The following NEK4 variants were observed in gnomAD, a reference collection of about 807,000 sequenced individuals.
The protein encoded by NEK4 is serine/threonine-protein kinase Nek4.
NEK4 carries 86 observed loss-of-function variants against 98.4 expected under a neutral mutation model. That is an observed-to-expected ratio of 0.87 (90% confidence interval 0.73 to 1.05). NEK4 has a LOEUF of 1.05. NEK4 is among the 50% of genes least tolerant of loss of function. The pLI is 0.00. For missense variants in NEK4, 898 were observed against 950.3 expected (o/e 0.94, Z 0.72); for synonymous variants, 328 against 342.2 (o/e 0.96, Z 0.46).
At chr3:52,729,244 C>T (rs1224480642) in intron 15 of NEK4, among the ~76,000 whole-genome samples, 1 of 152,080 alleles carries the variant, frequency 6.6e-6, no homozygotes, top group Admixed American at 6.6e-5. Flanking sequence ...GATGTCACCC[C>T]CAGAGGCCCA....
intron 6 of NEK4, among the ~76,000 whole-genome samples, chr3:52,756,285 G>C (rs1259428264): frequency 2.0e-5 from 3 of 152,102 alleles, no homozygotes; most frequent in South Asian, 4.1e-4. Context: ...ATCCCAAATA[G>C]CCAAAACAAT....
rs569984988 is a variant in NEK4 at position 52,729,362 on chromosome 3, A to G, written c.2433+8224T>C. Among the ~76,000 whole-genome samples, 11 of 152,070 alleles carry G rather than the reference A, an allele frequency of 7.2e-5. 1 individual carries two copies. Among genetic ancestry groups the G allele is most frequent in the East Asian group, 3.9e-4 (2 of 5,164 alleles). On this transcript the variant is annotated intron_variant, in intron 15 of 15. Transcript: ENST00000233027. ...GAAATATTGGGGGTGGGTTCCCCCA[A>G]TACTGCACTCCAGCCTGGGGGATGG...
At position 52,711,549 on chromosome 3, in the gene NEK4, T is replaced by C; in HGVS notation, c.*228A>G. On this transcript the variant is annotated 3_prime_UTR_variant, in exon 16 of 16. Coordinates refer to ENST00000233027, the MANE Select transcript of NEK4 (RefSeq NM_003157.6). ...ACAGTAATCAAACAAACAACAGATT[T>C]GTCCTCACAAAGAGAATATGAAAGC... is the stretch of plus-strand genomic sequence containing the variant. 2.7e-6 allele frequency: 1 copy of C among 373,008 alleles called. No homozygotes were observed. The allele number at this position is 373,008 out of a possible 1,614,324, so 23.1% of individuals were successfully genotyped here. A position where few individuals can be genotyped will look rare whatever the true frequency, so the allele number is the denominator to read the frequency against.
intron 13 of NEK4, 103 bp downstream of exon 13, chr3:52,741,308 A>G: frequency 1.6e-6 from 1 of 619,410 alleles, no homozygotes; most frequent in Non-Finnish European, 2.9e-6. Flanking sequence ...TTATAATTTT[A>G]TCAGTGGGAA....
At chr3:52,751,017 TA>T (rs2097404015) in intron 7 of NEK4, among the ~76,000 whole-genome samples, 1 of 152,108 alleles carries the variant, frequency 6.6e-6, no homozygotes, top group Non-Finnish European at 1.5e-5. Flanking sequence ...TCAGGTTAAG[TA>T]AAAGAAGGCA....
intron 15 of NEK4, among the ~76,000 whole-genome samples, chr3:52,715,372 G>A (rs762534147): frequency 3.9e-5 from 6 of 152,116 alleles, no homozygotes; most frequent in African/African-American, 1.2e-4. Context: ...TGCCCCCTGC[G>A]GATCTCCTCT....
chr3:52,720,214 GC>G (rs2097358835), intron 15 of NEK4, among the ~76,000 whole-genome samples: 1 of 152,042 alleles, frequency 6.6e-6, no homozygotes, highest in African/African-American at 2.4e-5. Flanking sequence ...ACTACAGACA[GC>G]TAGGACTACA....
intron 13 of NEK4, 23 bp from the exon 14 acceptor site, chr3:52,739,657 T>C (rs1482422804): frequency 1.3e-6 from 2 of 1,578,384 alleles, no homozygotes; most frequent in Non-Finnish European, 1.7e-6. Context: ...AATATCCCTT[T>C]GTTATTTAAT....
At chr3:52,738,489 C>T (rs1441584529) in intron 14 of NEK4, among the ~76,000 whole-genome samples, 9 of 149,226 alleles carry the variant, frequency 6.0e-5, no homozygotes, top group South Asian at 2.1e-4. Context: ...CTTGCTCTGT[C>T]GCTCAGGCTG....
chr3:52,728,179 C>T (rs1179293067), intron 15 of NEK4, among the ~76,000 whole-genome samples: 1 of 152,188 alleles, frequency 6.6e-6, no homozygotes, highest in African/African-American at 2.4e-5. Flanking sequence ...TCAAGACCAG[C>T]CTAGGGAACA....
rs141237666 is a variant in NEK4 at position 52,723,537 on chromosome 3, C to T, written c.2434-11668G>A. Among the ~76,000 whole-genome samples, 848 of 151,876 alleles carry T rather than the reference C, an allele frequency of 5.6e-3. 13 individuals carry two copies. The South Asian group carries it at 0.067, about 12-fold the overall frequency. On this transcript the variant is annotated intron_variant, in intron 15 of 15. Coordinates refer to ENST00000233027, the MANE Select transcript of NEK4 (RefSeq NM_003157.6). Reference sequence around the variant, plus strand: ...GATTACAGGCATGAGCCACCATGCCCGGTCTGAAAAAAAGAAATTCTGAAG... The same window carrying T: ...GATTACAGGCATGAGCCACCATGCCTGGTCTGAAAAAAAGAAATTCTGAAG...
intron 5 of NEK4, among the ~76,000 whole-genome samples, chr3:52,762,283 A>C (rs1698384812): frequency 6.6e-6 from 1 of 152,246 alleles, no homozygotes; most frequent in Non-Finnish European, 1.5e-5. Flanking sequence ...ACTACTTTTT[A>C]AATATTACTA....
chr3:52,714,435 C>T (rs2097353227), intron 15 of NEK4, among the ~76,000 whole-genome samples: 1 of 152,208 alleles, frequency 6.6e-6, no homozygotes, highest in Admixed American at 6.5e-5. Flanking sequence ...AGCAGTGGCA[C>T]CACTGGAACC....
At chr3:52,736,871 T>C (rs543271996) in intron 15 of NEK4, among the ~76,000 whole-genome samples, 1 of 152,344 alleles carries the variant, frequency 6.6e-6, no homozygotes, top group East Asian at 1.9e-4. Flanking sequence ...ATTTAACTGC[T>C]GGCACTATAA....
intron 15 of NEK4, chr3:52,732,502 G>T: frequency 5.3e-6 from 1 of 188,614 alleles, no homozygotes; most frequent in South Asian, 1.1e-4. Flanking sequence ...GCCACAGATT[G>T]ATTTCTTATG....
chr3:52,753,790 G>A (rs1053868091), intron 6 of NEK4: 4 of 507,818 alleles, frequency 7.9e-6, no homozygotes, highest in East Asian at 5.2e-5. Flanking sequence ...CGGAGCAGAC[G>A]TTATTAGGTG....
At chr3:52,766,493 C>T in intron 2 of NEK4, 118 bp from the exon 3 acceptor site, 2 of 683,604 alleles carry the variant, frequency 2.9e-6, no homozygotes, top group South Asian at 3.7e-5. Flanking sequence ...TAAAGAGTAA[C>T]CAACCATACA....
At position 52,763,625 on chromosome 3, in the gene NEK4, C is replaced by G; in HGVS notation, c.667-1G>C. On this transcript the variant is annotated splice_acceptor_variant, in intron 4 of 15. Coordinates refer to ENST00000233027, the MANE Select transcript of NEK4 (RefSeq NM_003157.6). LOFTEE classifies it high-confidence loss of function. ...TGTAATCTCTTGGCATTGGTGGCAGCTACAAATAAAAATAATATTGTAATT... is the reference window on the plus strand; with the variant it reads ...TGTAATCTCTTGGCATTGGTGGCAGGTACAAATAAAAATAATATTGTAATT... The G allele has an allele frequency of 1.3e-6, 2 of 1,578,418 alleles. No homozygotes were observed. The highest frequency in any genetic ancestry group is 1.7e-6 in the Non-Finnish European group (2 of 1,162,736).
At chr3:52,746,612 T>C in intron 9 of NEK4, 122 bp downstream of exon 9, 1 of 850,382 alleles carries the variant, frequency 1.2e-6, no homozygotes, top group Non-Finnish European at 1.8e-6. Flanking sequence ...ATCTTGCCAT[T>C]GTCACCCTTC....
Sources: gnomAD v4.1 joint callset for allele counts (sites outside exome capture counted in the v4.1 genomes callset) on GRCh38, gnomAD v4.1.1 for gene constraint, MANE v1.5 for transcripts, NCBI Gene and HGNC (gene_info 2026-07-23, HGNC 2026-07-21) for gene names.